The following TENM3 variants were observed in gnomAD, a reference collection of about 807,000 sequenced individuals.
TENM3 encodes the protein teneurin transmembrane protein 3.
Under a neutral mutation model 255.1 loss-of-function variants are expected in TENM3, and 63 were observed. That is an observed-to-expected ratio of 0.25 (90% CI 0.20 to 0.30). The LOEUF (loss-of-function observed/expected upper bound fraction) is 0.30. Among genes scored for constraint, TENM3 ranks in the 10% least tolerant of loss-of-function variants. TENM3 has a pLI of 1.00. For missense variants in TENM3, 2,929 were observed against 3,461.1 expected (o/e 0.85, Z 3.86); for synonymous variants, 1,306 against 1,322.3 (o/e 0.99, Z 0.27).
chr4:182,175,569 C>T (rs1752432061), intron 1 of TENM3, among the ~76,000 whole-genome samples: 1 of 152,020 alleles, frequency 6.6e-6, no homozygotes, highest in South Asian at 2.1e-4. Context: ...CTGCTTTTTC[C>T]CCTGCCAAGG....
the TENM3 span, among the ~76,000 whole-genome samples, chr4:181,897,420 G>A: frequency 6.6e-6 from 1 of 152,074 alleles, no homozygotes; most frequent in South Asian, 2.1e-4. Context: ...AGTGTATCCA[G>A]GAATACATTT....
the TENM3 span, among the ~76,000 whole-genome samples, chr4:182,060,163 G>T: frequency 2.6e-5 from 4 of 152,140 alleles, no homozygotes; most frequent in African/African-American, 9.7e-5. Context: ...CTTAAGTCCA[G>T]GAGTTTGAGG....
chr4:182,380,520 T>A (rs1224469379), intron 3 of TENM3, among the ~76,000 whole-genome samples: 2 of 152,208 alleles, frequency 1.3e-5, no homozygotes, highest in Non-Finnish European at 1.5e-5. Flanking sequence ...ATTGAATTAA[T>A]ATATGAAGTA....
At chr4:182,509,972 A>G (rs1181329400) in intron 3 of TENM3, among the ~76,000 whole-genome samples, 1 of 151,560 alleles carries the variant, frequency 6.6e-6, no homozygotes, top group East Asian at 1.9e-4. Context: ...AGGGAGATAC[A>G]GGTATATTGT....
rs146098648 is a variant in TENM3 at position 182,498,755 on chromosome 4, T to G, written c.512-102169T>G. Among the ~76,000 whole-genome samples, 660 of 152,118 alleles carry G rather than the reference T, an allele frequency of 4.3e-3. 7 individuals are homozygous for G. The highest frequency in any genetic ancestry group is 0.015 in the African/African-American group (635 of 41,488). ...CTGTAATCCCAGCTACTCCAGAGGCTGAGGCAGGAGAGTTGCTCGAACCCT... is the reference window on the plus strand; with the variant it reads ...CTGTAATCCCAGCTACTCCAGAGGCGGAGGCAGGAGAGTTGCTCGAACCCT... On this transcript the variant is annotated intron_variant, in intron 3 of 27. Transcript: ENST00000511685.
the TENM3 span, among the ~76,000 whole-genome samples, chr4:181,632,835 C>T: frequency 2.0e-5 from 3 of 152,122 alleles, no homozygotes; most frequent in East Asian, 5.8e-4. Context: ...ACAGTGGGCA[C>T]CCTTTTGAGT....
chr4:181,449,391 G>A, the TENM3 span, among the ~76,000 whole-genome samples: 1 of 152,152 alleles, frequency 6.6e-6, no homozygotes, highest in Admixed American at 6.5e-5. Context: ...TACTTGGGTA[G>A]TCTAATTATT....
At chr4:182,203,113 A>C (rs1235925567) in intron 1 of TENM3, among the ~76,000 whole-genome samples, 1 of 151,958 alleles carries the variant, frequency 6.6e-6, no homozygotes. Flanking sequence ...GCTATTCGGG[A>C]GGCTGAGGCA....
At chr4:182,687,742 C>T (rs916686067) in intron 11 of TENM3, among the ~76,000 whole-genome samples, 2 of 140,902 alleles carry the variant, frequency 1.4e-5, no homozygotes, top group African/African-American at 5.4e-5. Flanking sequence ...TGTATGAAAT[C>T]CAAGTCCTGT....
intron 1 of TENM3, among the ~76,000 whole-genome samples, chr4:182,152,896 G>C (rs1329055291): frequency 6.6e-6 from 1 of 151,642 alleles, no homozygotes. Flanking sequence ...AATTCTTCCC[G>C]TAAAAATTTG....
At chr4:181,796,043 G>T in the TENM3 span, among the ~76,000 whole-genome samples, 3 of 152,176 alleles carry the variant, frequency 2.0e-5, no homozygotes, top group Non-Finnish European at 4.4e-5. Context: ...CAATTGATTG[G>T]ATATGGGCTA....
At chr4:181,472,460 C>A in the TENM3 span, among the ~76,000 whole-genome samples, 1 of 149,880 alleles carries the variant, frequency 6.7e-6, no homozygotes, top group Non-Finnish European at 1.5e-5. Flanking sequence ...GAAGGGTGGG[C>A]CCCCCAAAAG....
chr4:182,150,621 GACTTAA>G (rs1398606701), intron 1 of TENM3, among the ~76,000 whole-genome samples: 1 of 148,422 alleles, frequency 6.7e-6, no homozygotes, highest in Non-Finnish European at 1.5e-5. Flanking sequence ...TCTATGTAGA[GACTTAA>G]AAAAACCCAC....
chr4:182,752,942 A>ATTTTT (rs750171665), intron 20 of TENM3, among the ~76,000 whole-genome samples: 12 of 121,722 alleles, frequency 9.9e-5, no homozygotes, highest in South Asian at 2.8e-4. Flanking sequence ...TCCTTACTGA[A>ATTTTT]TTTTTTTTTT....
At chr4:181,514,071 A>T in the TENM3 span, among the ~76,000 whole-genome samples, 1 of 152,218 alleles carries the variant, frequency 6.6e-6, no homozygotes. Flanking sequence ...ATCCATAGTA[A>T]ATAATATGTA....
chr4:182,290,197 A>G (rs1020721151), intron 1 of TENM3, among the ~76,000 whole-genome samples: 1 of 152,138 alleles, frequency 6.6e-6, no homozygotes. Flanking sequence ...GGCGTGTGGT[A>G]AGTGTGCGAT....
chr4:182,289,393 G>A (rs1438381943), intron 1 of TENM3, among the ~76,000 whole-genome samples: 2 of 152,324 alleles, frequency 1.3e-5, no homozygotes, highest in Non-Finnish European at 2.9e-5. Context: ...CTGGGTGTGC[G>A]AGGGCGGAGG....
intron 3 of TENM3, among the ~76,000 whole-genome samples, chr4:182,568,045 G>A (rs1429389240): frequency 6.6e-6 from 1 of 152,188 alleles, no homozygotes; most frequent in Non-Finnish European, 1.5e-5. Context: ...TTAGAAGTAA[G>A]CGATAGAGCT....
chr4:181,703,242 G>A, the TENM3 span, among the ~76,000 whole-genome samples: 8 of 152,132 alleles, frequency 5.3e-5, no homozygotes, highest in Non-Finnish European at 1.2e-4. Flanking sequence ...TTCAGATGTG[G>A]GAGTCGTACA....
Sources: gnomAD v4.1 joint callset for allele counts (sites outside exome capture counted in the v4.1 genomes callset) on GRCh38, gnomAD v4.1.1 for gene constraint, MANE v1.5 for transcripts, NCBI Gene and HGNC (gene_info 2026-07-23, HGNC 2026-07-21) for gene names.